Variants in ITGA7 observed in about 807,000 individuals in gnomAD.
ITGA7 encodes integrin alpha-7.
In ITGA7, 84 loss-of-function variants were observed where a neutral mutation model predicts 131.6. The ratio of observed to expected loss-of-function variants is 0.64; its 90% CI spans 0.54 to 0.77. The LOEUF (loss-of-function observed/expected upper bound fraction) is 0.77, where lower values mean the gene tolerates loss of function less well. Ranked by LOEUF, ITGA7 falls within the 30% of genes least tolerant of loss-of-function variation. The pLI, the probability that ITGA7 is intolerant of heterozygous loss-of-function variation, is 0.00. For synonymous variants in ITGA7, 548 were observed against 600.7 expected, an observed-to-expected ratio of 0.91 and a Z score of 1.28; for missense variants, 1,399 against 1,482.9, an observed-to-expected ratio of 0.94 and a Z score of 0.93.
upstream of ITGA7, among the ~76,000 whole-genome samples, chr12:55,711,826 C>T (rs985113141): frequency 2.6e-5 from 4 of 152,200 alleles, no homozygotes; most frequent in African/African-American, 9.7e-5. Flanking sequence ...CTTTCTCCAG[C>T]TCCTTCCCTT....
At position 55,707,819 on chromosome 12, in the gene ITGA7, A is replaced by AGG; in HGVS notation, c.-138_-137insCC. ...ACGTCTCCCAGACGTTCGCCCCGCCAGCCCTCCCGCCCGCCCGCCGCTCCG... is the reference window on the plus strand; with the variant it reads ...ACGTCTCCCAGACGTTCGCCCCGCCAGGGCCCTCCCGCCCGCCCGCCGCTCCG... On this transcript the variant is annotated 5_prime_UTR_variant, in exon 1 of 25. Transcript: ENST00000257879. 3.9e-5 allele frequency: 54 copies of AGG among 1,379,950 alleles called. No individual in the cohort carries two copies. Among genetic ancestry groups the AGG allele is most frequent in the African/African-American group, 5.4e-5 (3 of 55,536 alleles). The allele number at this position is 1,379,950 out of a possible 1,614,324, so 85.5% of individuals were successfully genotyped here. A position where few individuals can be genotyped will look rare whatever the true frequency, so the allele number is the denominator to read the frequency against.
upstream of ITGA7, chr12:55,716,002 G>C (rs4457792): frequency 0.052 from 77,478 of 1,501,076 alleles, 6,485 homozygotes; most frequent in African/African-American, 0.36. Context: ...CTTCACCCAA[G>C]GTCTCAAGAG....
upstream of ITGA7, among the ~76,000 whole-genome samples, chr12:55,710,358 G>GA (rs1331105606): frequency 2.1e-5 from 3 of 143,812 alleles, no homozygotes; most frequent in Non-Finnish European, 4.6e-5. Flanking sequence ...CTCCACATCA[G>GA]AAAAAAAGAA....
chr12:55,707,628 A>G lies in ITGA7; in HGVS notation c.55T>C (p.Phe19Leu). 6.2e-7 allele frequency: 1 copy of G among 1,608,354 alleles called. No individual in the cohort carries two copies. Among genetic ancestry groups the G allele is most frequent in the Non-Finnish European group, 8.5e-7 (1 of 1,177,350 alleles). ...AGCAGTTCGACGAGCAGGGAGCCAA[A>G]AAGGTAGCAAATCCCGGAGGCCCCC... ...PWGASGICYL[F>L]GSLLVELLFS... Residue 19 changes from phenylalanine to leucine, a missense_variant, in exon 1 of 25, where the codon TTT (phenylalanine) becomes CTT (leucine). Phe to Leu is a conservative substitution (Grantham distance 22). Coordinates refer to ENST00000257879, the MANE Select transcript of ITGA7 (RefSeq NM_002206.3).
At chr12:55,688,783 G>A in intron 22 of ITGA7, 61 bp downstream of exon 22, 5 of 1,218,938 alleles carry the variant, frequency 4.1e-6, no homozygotes, top group Non-Finnish European at 4.9e-6. Flanking sequence ...GAGGAGAAAT[G>A]AGTCCTGGAG....
chr12:55,693,117 C>T (rs369222025), intron 20 of ITGA7, 24 bp downstream of exon 20: 1 of 1,612,566 alleles, frequency 6.2e-7, no homozygotes, highest in Admixed American at 1.7e-5. Flanking sequence ...CCACATCTAA[C>T]CCCCACCCCC....
Position 55,696,947 on chromosome 12 carries a change from C to T in ITGA7, c.1689G>A (p.Leu563=). The change falls in exon 12 of 25, where the codon CTG becomes CTA. Residue 563 remains leucine, a synonymous_variant. Coordinates refer to ENST00000257879, the MANE Select transcript of ITGA7 (RefSeq NM_002206.3). ...CACAGACTCGGTCATGCTGGTGCTTCAGCCACACGGTGCCCGAGGCCTGGT... is the reference window on the plus strand; with the variant it reads ...CACAGACTCGGTCATGCTGGTGCTTTAGCCACACGGTGCCCGAGGCCTGGT... ...PKHQASGTVW[L]KHQHDRVCGD... is the part of the protein sequence containing the mutation. 1 of 1,614,220 alleles carries T rather than the reference C, an allele frequency of 6.2e-7. No homozygotes were observed. Among genetic ancestry groups the T allele is most frequent in the Non-Finnish European group, 8.5e-7 (1 of 1,180,048 alleles).
rs940540167 is a variant in ITGA7 at position 55,703,102 on chromosome 12, G to T, written c.283C>A (p.Pro95Thr). 6.2e-7 allele frequency: 1 copy of T among 1,614,030 alleles called. No individual in the cohort carries two copies. The highest frequency in any genetic ancestry group is 8.5e-7 in the Non-Finnish European group (1 of 1,180,034). ...CAGTCAGTCTCCTCCAGGCTCAACG[G>T]GCAAGCGAAGAGGCCTCCAGTGCGA... ...ANRTGGLFAC[P>T]LSLEETDCYR... The change falls in exon 2 of 25, where the codon CCG becomes ACG. Residue 95 changes from proline (P) to threonine (T), a missense_variant. Physicochemically the swap from Pro to Thr is conservative, Grantham distance 38 (BLOSUM62 -1). Coordinates refer to ENST00000257879, the MANE Select transcript of ITGA7 (RefSeq NM_002206.3).
At position 55,703,251 on chromosome 12, in the gene ITGA7, C is replaced by T. The variant is rs1024046779; in HGVS notation, c.207-73G>A. 220 of 1,532,860 alleles carry T rather than the reference C, an allele frequency of 1.4e-4. 1 individual carries two copies. The highest frequency in any genetic ancestry group is 2.7e-5 in the African/African-American group (2 of 73,506). The allele number at this position is 1,532,860 out of a possible 1,614,324, so 95.0% of individuals were successfully genotyped here. On this transcript the variant is annotated intron_variant, in intron 1 of 24. Coordinates refer to ENST00000257879, the MANE Select transcript of ITGA7 (RefSeq NM_002206.3). Reference sequence around the variant, plus strand: ...GAATGACCCAATCTCATTAGAGCTGCCCAGGCCCAACCCCTCAGTACTAAA... The same window carrying T: ...GAATGACCCAATCTCATTAGAGCTGTCCAGGCCCAACCCCTCAGTACTAAA...
At chr12:55,688,780 A>G in intron 22 of ITGA7, 64 bp downstream of exon 22, 1 of 1,236,756 alleles carries the variant, frequency 8.1e-7, no homozygotes, top group Non-Finnish European at 1.2e-6. Context: ...GAGGAGGAGA[A>G]ATGAGTCCTG....
chr12:55,687,239 G>A lies in ITGA7; in HGVS notation c.3183+732C>T, dbSNP rs199564897. ...GTCCCCCAGGTTGCAGTGCAGTGGC[G>A]CAATCTTGGCTCACTGCAACCTCCA... On this transcript the variant is annotated intron_variant, in intron 24 of 24. Coordinates refer to ENST00000257879, the MANE Select transcript of ITGA7 (RefSeq NM_002206.3). Among the ~76,000 whole-genome samples, 24 of 141,342 alleles carry A rather than the reference G, an allele frequency of 1.7e-4. No individual in the cohort carries two copies. In the East Asian group the frequency reaches 4.3e-3, roughly 25 times the overall value. The allele number at this position is 141,342 out of a possible 152,430, so 92.7% of individuals were successfully genotyped here. A position where few individuals can be genotyped will look rare whatever the true frequency, so the allele number is the denominator to read the frequency against.
intron 14 of ITGA7, chr12:55,695,201 C>T (rs1223142536): frequency 3.3e-6 from 2 of 603,576 alleles, no homozygotes; most frequent in Non-Finnish European, 5.9e-6. Flanking sequence ...AACTTAACCT[C>T]TCTAGGCTTC....
chr12:55,685,377 A>G (rs1869871390), intron 24 of ITGA7, 89 bp from the exon 25 acceptor site: 5 of 1,166,060 alleles, frequency 4.3e-6, no homozygotes, highest in Admixed American at 1.7e-5. Flanking sequence ...CCTCACCCTC[A>G]CCATCCCTGC....
intron 13 of ITGA7, 114 bp from the exon 14 acceptor site, chr12:55,695,751 C>T: frequency 1.3e-6 from 1 of 744,676 alleles, no homozygotes; most frequent in Admixed American, 2.0e-5. Flanking sequence ...CTGTCCTCAA[C>T]TCTCAGATCT....
upstream of ITGA7, among the ~76,000 whole-genome samples, chr12:55,709,615 C>T (rs1311749525): frequency 3.3e-5 from 5 of 152,194 alleles, no homozygotes; most frequent in Non-Finnish European, 5.9e-5. Context: ...TAGAGAAGAG[C>T]TGACATGGGA....
intron 21 of ITGA7, among the ~76,000 whole-genome samples, chr12:55,689,463 T>C (rs1464617935): frequency 6.6e-6 from 1 of 152,140 alleles, no homozygotes; most frequent in Non-Finnish European, 1.5e-5. Flanking sequence ...CCAAACTCGC[T>C]GAAGGAGGAG....
chr12:55,707,454 T>A (rs772143882), intron 1 of ITGA7, 23 bp downstream of exon 1: 1 of 1,596,704 alleles, frequency 6.3e-7, no homozygotes, highest in Admixed American at 1.7e-5. Flanking sequence ...GCATGGCGAC[T>A]CTGGGCGGGT....
At chr12:55,716,352 A>T, upstream of ITGA7, 1 of 1,464,660 alleles carries the variant, frequency 6.8e-7, no homozygotes. Context: ...CTTTTTTTGA[A>T]ACTCCTTTCC....
chr12:55,688,577 A>G (rs1448085382), intron 22 of ITGA7, among the ~76,000 whole-genome samples: 1 of 151,678 alleles, frequency 6.6e-6, no homozygotes, highest in South Asian at 2.1e-4. Context: ...ATACAAAAAT[A>G]TCGGGTGTGG....
Sources: allele counts gnomAD v4.1 joint callset (sites outside exome capture counted in the v4.1 genomes callset), GRCh38; gene constraint gnomAD v4.1.1; transcripts MANE v1.5; gene names NCBI Gene and HGNC (gene_info 2026-07-23, HGNC 2026-07-21).